The following LRRIQ3 variants were observed in gnomAD, a reference collection of about 807,000 sequenced individuals.
The protein encoded by LRRIQ3 is leucine-rich repeat and IQ domain-containing protein 3.
In LRRIQ3, 75 loss-of-function variants were observed where a neutral mutation model predicts 59.3. That is an observed-to-expected ratio of 1.26 (90% confidence interval 1.05 to 1.53). The LOEUF is 1.53. LRRIQ3 is among the 40% of genes most tolerant of loss of function. The probability of loss-of-function intolerance (pLI) is 0.00; values close to 1 mark genes in which losing one functional copy is unlikely to be tolerated. For synonymous variants in LRRIQ3, 250 were observed against 231.3 expected (o/e 1.08, Z -0.73); for missense variants, 831 against 710.0 (o/e 1.17, Z -1.94).
chr1:74,063,977 G>T (rs1346415668), intron 6 of LRRIQ3, among the ~76,000 whole-genome samples: 2 of 151,622 alleles, frequency 1.3e-5, no homozygotes, highest in Middle Eastern at 6.8e-3. Flanking sequence ...ATTCTCAGGG[G>T]TCACTCTAGG....
At chr1:74,156,917 C>T (rs747658082) in intron 3 of LRRIQ3, among the ~76,000 whole-genome samples, 1 of 152,020 alleles carries the variant, frequency 6.6e-6, no homozygotes, top group African/African-American at 2.4e-5. Context: ...CTGACAATTG[C>T]ATTGTTCATG....
chr1:74,141,548 C>T (rs1647255790), intron 4 of LRRIQ3, among the ~76,000 whole-genome samples: 1 of 151,764 alleles, frequency 6.6e-6, no homozygotes, highest in Non-Finnish European at 1.5e-5. Context: ...ATGTTTTGAA[C>T]ACACCAATGT....
chr1:74,136,021 A>G (rs553217419), intron 4 of LRRIQ3, among the ~76,000 whole-genome samples: 4 of 152,066 alleles, frequency 2.6e-5, no homozygotes, highest in South Asian at 4.1e-4. Context: ...AAAAGAAGGC[A>G]TATATTACGA....
intron 4 of LRRIQ3, among the ~76,000 whole-genome samples, chr1:74,119,238 T>C (rs1365328454): frequency 6.6e-6 from 1 of 152,138 alleles, no homozygotes; most frequent in Non-Finnish European, 1.5e-5. Context: ...TAAATTTTTT[T>C]TCAAATTAGG....
chr1:74,186,113 GATTT>G (rs1204526396), intron 1 of LRRIQ3, among the ~76,000 whole-genome samples: 5 of 149,412 alleles, frequency 3.3e-5, no homozygotes, highest in African/African-American at 4.9e-5. Context: ...TATTTCAAAG[GATTT>G]ATTTCTCACA....
rs189277843 is a variant in LRRIQ3 at position 74,108,937 on chromosome 1, A to T, written c.867+457T>A. The T allele has an allele frequency of 1.3e-5, 5 of 387,620 alleles. No homozygotes were observed. The East Asian group carries it at 4.4e-4, about 34-fold the overall frequency. 24.0% of individuals were successfully genotyped at this position (387,620 alleles called of 1,614,324 possible). ...ACATACCACTTGCAAAATGTCTAGC[A>T]CAGTGCCTGGGATATAGTAGGCATT... On this transcript the variant is annotated intron_variant, in intron 5 of 7. Transcript: ENST00000354431.
At chr1:74,171,971 C>G (rs1308870259) in intron 3 of LRRIQ3, among the ~76,000 whole-genome samples, 2 of 151,924 alleles carry the variant, frequency 1.3e-5, no homozygotes, top group Non-Finnish European at 2.9e-5. Flanking sequence ...ATTGTAATGT[C>G]TCTTCTTTCA....
intron 6 of LRRIQ3, among the ~76,000 whole-genome samples, chr1:74,074,416 C>T (rs1646178033): frequency 6.6e-6 from 1 of 152,058 alleles, no homozygotes; most frequent in Admixed American, 6.6e-5. Context: ...GTAATTTCTT[C>T]CAGTCACTAC....
At chr1:74,180,087 T>C (rs571290426) in intron 3 of LRRIQ3, 2 of 152,078 alleles carry the variant, frequency 1.3e-5, no homozygotes, top group African/African-American at 4.8e-5. Context: ...GGTTCTATAC[T>C]TGGCAGTTAT....
intron 6 of LRRIQ3, among the ~76,000 whole-genome samples, chr1:74,073,168 A>G (rs1249437875): frequency 6.6e-6 from 1 of 152,090 alleles, no homozygotes; most frequent in Non-Finnish European, 1.5e-5. Flanking sequence ...TGTCAAGGCC[A>G]CCGTTGATAT....
Position 74,198,105 on chromosome 1 carries a change from AACAAG to A in LRRIQ3, c.-115_-111del, listed in dbSNP as rs1173112478. On this transcript the variant is annotated 5_prime_UTR_variant, in exon 1 of 8. The change creates a premature stop within an existing upstream ORF in the 5' untranslated region. Transcript: ENST00000354431. ...CTGCTCCTGAGACCGTTGCTAGAGA[AACAAG>A]ACAACATCCAAGTTCTCCACATCAT... 4 of 1,353,314 alleles carry A rather than the reference AACAAG, an allele frequency of 3.0e-6. No individual in the cohort carries two copies. In the African/African-American group the frequency reaches 5.9e-5, roughly 20 times the overall value. The allele number at this position is 1,353,314 out of a possible 1,614,324, so 83.8% of individuals were successfully genotyped here. A position where few individuals can be genotyped will look rare whatever the true frequency, so the allele number is the denominator to read the frequency against.
intron 5 of LRRIQ3, among the ~76,000 whole-genome samples, chr1:74,107,761 A>T (rs1202354658): frequency 6.6e-6 from 1 of 151,332 alleles, no homozygotes; most frequent in South Asian, 2.1e-4. Context: ...AATTACTTTA[A>T]GAAATTGAGA....
intron 4 of LRRIQ3, among the ~76,000 whole-genome samples, chr1:74,134,837 G>T (rs138513472): frequency 6.6e-6 from 1 of 151,760 alleles, no homozygotes; most frequent in African/African-American, 2.4e-5. Flanking sequence ...GAGAAATACA[G>T]GGAAATACAT....
chr1:74,078,138 C>A (rs1646229894), intron 5 of LRRIQ3, among the ~76,000 whole-genome samples: 1 of 151,784 alleles, frequency 6.6e-6, no homozygotes, highest in Admixed American at 6.6e-5. Context: ...GCATGGTAAA[C>A]CTGTATTCAG....
At chr1:74,099,204 T>TA in intron 5 of LRRIQ3, among the ~76,000 whole-genome samples, 1 of 151,818 alleles carries the variant, frequency 6.6e-6, no homozygotes, top group East Asian at 1.9e-4. Flanking sequence ...ATAGACACAA[T>TA]AAAAAATGAT....
At chr1:74,047,940 T>C (rs1654253642) in intron 6 of LRRIQ3, among the ~76,000 whole-genome samples, 1 of 152,016 alleles carries the variant, frequency 6.6e-6, no homozygotes, top group South Asian at 2.1e-4. Context: ...AGAAGAAATA[T>C]CAGATAGCTC....
At chr1:74,067,428 T>A (rs1654897662) in intron 6 of LRRIQ3, among the ~76,000 whole-genome samples, 1 of 152,142 alleles carries the variant, frequency 6.6e-6, no homozygotes, top group African/African-American at 2.4e-5. Context: ...ATTACGGAAT[T>A]GCCTACCTCA....
intron 5 of LRRIQ3, among the ~76,000 whole-genome samples, chr1:74,105,657 T>A (rs1646601822): frequency 6.6e-6 from 1 of 152,000 alleles, no homozygotes; most frequent in South Asian, 2.1e-4. Flanking sequence ...AATATATATT[T>A]AACCTTTAGA....
intron 6 of LRRIQ3, among the ~76,000 whole-genome samples, chr1:74,064,940 T>C (rs563933753): frequency 2.6e-4 from 40 of 152,246 alleles, no homozygotes; most frequent in African/African-American, 8.7e-4. Context: ...TTGGAGTTTG[T>C]TGATATCCTT....
Sources: allele counts gnomAD v4.1 joint callset (sites outside exome capture counted in the v4.1 genomes callset), GRCh38; gene constraint gnomAD v4.1.1; transcripts MANE v1.5; gene names NCBI Gene and HGNC (gene_info 2026-07-23, HGNC 2026-07-21).